The following FBLN2 variants were observed in gnomAD, a reference collection of about 807,000 sequenced individuals.
FBLN2 encodes the protein fibulin 2, also known as fibulin-2.
In FBLN2, 81 loss-of-function variants were observed where a neutral mutation model predicts 123.7. The observed-to-expected ratio is 0.65, with a 90% CI of 0.55 to 0.79. The LOEUF (loss-of-function observed/expected upper bound fraction) is 0.79, where lower values mean the gene tolerates loss of function less well. Ranked by LOEUF, FBLN2 falls within the 30% of genes least tolerant of loss-of-function variation. The pLI is 0.00. For synonymous variants in FBLN2, 699 were observed against 701.4 expected (o/e 1.00, Z 0.05); for missense variants, 1,603 against 1,681.3 (o/e 0.95, Z 0.81).
intron 1 of FBLN2, among the ~76,000 whole-genome samples, chr3:13,565,804 G>A (rs548114113): frequency 6.6e-6 from 1 of 152,280 alleles, no homozygotes; most frequent in Admixed American, 6.5e-5. Context: ...ATATGGACCT[G>A]GTACAGACGT....
chr3:13,572,205 T>C (rs1452380747), intron 2 of FBLN2, among the ~76,000 whole-genome samples: 1 of 152,192 alleles, frequency 6.6e-6, no homozygotes, highest in Non-Finnish European at 1.5e-5. Flanking sequence ...TAGAAAGAAG[T>C]GAACTCGTGG....
At chr3:13,594,264 A>G (rs1704771567) in intron 2 of FBLN2, among the ~76,000 whole-genome samples, 1 of 152,178 alleles carries the variant, frequency 6.6e-6, no homozygotes, top group Non-Finnish European at 1.5e-5. Flanking sequence ...TCCGTCGCTC[A>G]GAGACCCACT....
At chr3:13,562,383 G>A (rs1364353821) in intron 1 of FBLN2, among the ~76,000 whole-genome samples, 1 of 146,170 alleles carries the variant, frequency 6.8e-6, no homozygotes, top group African/African-American at 2.5e-5. Flanking sequence ...TTGTGACGGA[G>A]TCTTGCCGTG....
intron 4 of FBLN2, among the ~76,000 whole-genome samples, chr3:13,611,376 G>A (rs535646318): frequency 1.6e-4 from 24 of 152,224 alleles, no homozygotes; most frequent in African/African-American, 5.5e-4. Context: ...AAGCACCCAA[G>A]GAACTTTCTT....
chr3:13,553,132 T>G, intron 1 of FBLN2, among the ~76,000 whole-genome samples: 1 of 151,724 alleles, frequency 6.6e-6, no homozygotes, highest in Non-Finnish European at 1.5e-5. Flanking sequence ...TCTTTCAGAG[T>G]GGGGGCTTGG....
chr3:13,627,792 C>T, intron 10 of FBLN2, 40 bp from the exon 11 acceptor site: 1 of 1,587,912 alleles, frequency 6.3e-7, no homozygotes, highest in East Asian at 2.3e-5. Context: ...AAAGGCAGGA[C>T]CTGCCCCCCA....
chr3:13,625,095 G>GCCA (rs1705989240), intron 9 of FBLN2, among the ~76,000 whole-genome samples: 2 of 150,370 alleles, frequency 1.3e-5, no homozygotes, highest in African/African-American at 4.9e-5. Flanking sequence ...TCTGTGGCCT[G>GCCA]GGGTGGTTTC....
intron 2 of FBLN2, among the ~76,000 whole-genome samples, chr3:13,583,101 C>T (rs1028819822): frequency 1.3e-5 from 2 of 152,266 alleles, no homozygotes; most frequent in African/African-American, 4.8e-5. Context: ...AGCTGCGAGA[C>T]CCCTCCTTCA....
At chr3:13,589,802 A>G (rs1270478179) in intron 2 of FBLN2, among the ~76,000 whole-genome samples, 1 of 152,204 alleles carries the variant, frequency 6.6e-6, no homozygotes, top group Non-Finnish European at 1.5e-5. Flanking sequence ...TTATAAAAGC[A>G]ATGTCTAATC....
At chr3:13,602,418 G>A (rs772883719) in intron 2 of FBLN2, among the ~76,000 whole-genome samples, 3 of 152,166 alleles carry the variant, frequency 2.0e-5, no homozygotes, top group Admixed American at 1.3e-4. Context: ...TAAGCATTTC[G>A]TTTTTTGGAT....
intron 8 of FBLN2, 143 bp downstream of exon 8, chr3:13,619,974 G>A: frequency 1.6e-6 from 1 of 614,388 alleles, no homozygotes; most frequent in Admixed American, 3.1e-5. Context: ...ACCCCTAGTG[G>A]AGCAGGTTAA....
At chr3:13,574,905 A>G (rs1331182845) in intron 2 of FBLN2, among the ~76,000 whole-genome samples, 6 of 152,190 alleles carry the variant, frequency 3.9e-5, no homozygotes, top group South Asian at 4.1e-4. Flanking sequence ...CTGCGTGCAC[A>G]TGGCCGTGAC....
In FBLN2 at chr3:13,567,755, G is replaced by A. The variant is rs545336648; in HGVS notation, c.-41-2560G>A. Among the ~76,000 whole-genome samples, 6 of 151,928 alleles carry A rather than the reference G, an allele frequency of 3.9e-5. No homozygotes were observed. In the South Asian group the frequency reaches 1.2e-3, roughly 32 times the overall value. ...GGCTGAGGCAGGAGGGTCGCTTGAG[G>A]TCAAGAGTTCAAGACCAATCTGGGC... On this transcript the variant is annotated intron_variant, in intron 1 of 17. Transcript: ENST00000404922.
chr3:13,598,588 G>C (rs1251999972), intron 2 of FBLN2, among the ~76,000 whole-genome samples: 1 of 152,154 alleles, frequency 6.6e-6, no homozygotes, highest in Non-Finnish European at 1.5e-5. Flanking sequence ...TTACGCCTCT[G>C]GGGCAGGGAG....
At chr3:13,553,777 G>A (rs1005126033) in intron 1 of FBLN2, among the ~76,000 whole-genome samples, 5 of 152,234 alleles carry the variant, frequency 3.3e-5, no homozygotes, top group Non-Finnish European at 7.3e-5. Flanking sequence ...GTGTGCTGGT[G>A]AGGAAGTGGT....
chr3:13,549,403 C>T (rs941443677), intron 1 of FBLN2, among the ~76,000 whole-genome samples, 195 bp downstream of exon 1: 1 of 151,530 alleles, frequency 6.6e-6, no homozygotes, highest in African/African-American at 2.4e-5. Context: ...GGACGGCCCG[C>T]GAGCGCCGCG....
Position 13,582,456 on chromosome 3 carries a change from G to A in FBLN2, c.1306+10795G>A, listed in dbSNP as rs533063997. On this transcript the variant is annotated intron_variant, in intron 2 of 17. Transcript: ENST00000404922. ...CTAGGACCTCTGGCCTGCAGCATCC[G>A]GGGCTTTGAGGTGAAGCTTCTGGTT... Among the ~76,000 whole-genome samples the A allele has an allele frequency of 7.2e-5, 11 of 152,330 alleles. No individual in the cohort carries two copies. The South Asian group carries it at 2.1e-3, about 29-fold the overall frequency.
rs1415883896 is a variant in FBLN2 at position 13,549,165 on chromosome 3, G to T, written c.-85G>T. On this transcript the variant is annotated 5_prime_UTR_variant, in exon 1 of 18. Transcript: ENST00000404922. The stretch of plus-strand genomic sequence containing the variant: ...CCGCCCGGGCTCTCGACGCGCCGAC[G>T]GCCGGGCGGACGGACGGACGGACGC... 9 of 983,060 alleles carry T rather than the reference G, an allele frequency of 9.2e-6. No homozygotes were observed. The highest frequency in any genetic ancestry group is 1.1e-4 in the East Asian group (1 of 8,720). The allele number at this position is 983,060 out of a possible 1,614,324, so 60.9% of individuals were successfully genotyped here.
intron 2 of FBLN2, among the ~76,000 whole-genome samples, chr3:13,585,436 C>T (rs867551070): frequency 1.3e-5 from 2 of 152,248 alleles, no homozygotes; most frequent in Middle Eastern, 3.4e-3. Flanking sequence ...TCTAGGAAGG[C>T]GGGCCTGGTG....
Sources: gnomAD v4.1 joint callset for allele counts (sites outside exome capture counted in the v4.1 genomes callset) on GRCh38, gnomAD v4.1.1 for gene constraint, MANE v1.5 for transcripts, NCBI Gene and HGNC (gene_info 2026-07-23, HGNC 2026-07-21) for gene names.